CHST8: variants seen among roughly 807,000 people sequenced by gnomAD.
CHST8 encodes GALNAC-4-ST1.
CHST8 carries 10 observed loss-of-function variants against 15.0 expected under a neutral mutation model. That is an observed-to-expected ratio of 0.67 (90% CI 0.41 to 1.13). The LOEUF is 1.13. Among genes scored for constraint, CHST8 ranks in the 50% most tolerant of loss-of-function variants. The pLI is 0.00. For synonymous variants in CHST8, 259 were observed against 256.6 expected (o/e 1.01, Z -0.09); for missense variants, 634 against 608.2 (o/e 1.04, Z -0.45).
At chr19:33,688,952 G>A (rs1383598485) in intron 2 of CHST8, among the ~76,000 whole-genome samples, 1 of 152,156 alleles carries the variant, frequency 6.6e-6, no homozygotes, top group Non-Finnish European at 1.5e-5. Context: ...TTGTCCAGAG[G>A]TGCAGATACA....
intron 2 of CHST8, among the ~76,000 whole-genome samples, chr19:33,668,388 AT>A (rs1410391267): frequency 6.6e-6 from 1 of 152,134 alleles, no homozygotes. Context: ...AACCTCCACC[AT>A]ATTGGATGTT....
At chr19:33,771,491 C>G (rs1381404593) in intron 4 of CHST8, 41 bp downstream of exon 4, 1 of 1,602,102 alleles carries the variant, frequency 6.2e-7, no homozygotes, top group South Asian at 1.1e-5. Context: ...GCACACAGCC[C>G]TTGGGAAACT....
rs1169604290 is a variant in CHST8 at position 33,772,923 on chromosome 19, C to G, written c.1135C>G (p.Gln379Glu). 2 of 1,613,486 alleles carry G rather than the reference C, an allele frequency of 1.2e-6. No individual in the cohort carries two copies. Among genetic ancestry groups the G allele is most frequent in the Non-Finnish European group, 8.5e-7 (1 of 1,180,042 alleles). ...TFPRFKDRHS[Q>E]EARTTARIAH... ...CCCCCGGTTCAAGGACCGGCACTCG[C>G]AGGAGGCGCGGACCACAGCGAGGAT... Residue 379 changes from glutamine to glutamate, a missense_variant, in exon 5 of 5, where the codon CAG becomes GAG. Physicochemically the swap from Gln to Glu is conservative, Grantham distance 29 (BLOSUM62 2). Transcript: ENST00000650847.
At chr19:33,710,007 G>A (rs1244767543) in intron 3 of CHST8, among the ~76,000 whole-genome samples, 2 of 152,284 alleles carry the variant, frequency 1.3e-5, no homozygotes, top group African/African-American at 4.8e-5. Flanking sequence ...CTAGCTCAAT[G>A]TCTTCACCAT....
intron 3 of CHST8, among the ~76,000 whole-genome samples, chr19:33,699,196 G>A (rs867513893): frequency 2.0e-5 from 3 of 152,206 alleles, no homozygotes; most frequent in African/African-American, 7.2e-5. Context: ...GGCCCTGCAA[G>A]CCCAGCCGCT....
chr19:33,743,333 G>A (rs543264806), intron 3 of CHST8, among the ~76,000 whole-genome samples: 36 of 125,196 alleles, frequency 2.9e-4, no homozygotes, highest in Non-Finnish European at 4.9e-4. Flanking sequence ...ACGGAGTCTC[G>A]CTGTTACCCA....
chr19:33,687,832 G>A (rs915144060), intron 2 of CHST8, among the ~76,000 whole-genome samples: 3 of 152,242 alleles, frequency 2.0e-5, no homozygotes, highest in South Asian at 2.1e-4. Flanking sequence ...GCCTGGGTCC[G>A]TGTTGGGGAG....
chr19:33,654,944 G>C (rs536340943), intron 1 of CHST8, among the ~76,000 whole-genome samples: 3 of 152,276 alleles, frequency 2.0e-5, no homozygotes, highest in Non-Finnish European at 4.4e-5. Context: ...TTTCTTTCCT[G>C]AAGTTTAGCT....
chr19:33,739,267 C>T (rs933816451), intron 3 of CHST8, among the ~76,000 whole-genome samples: 2 of 152,168 alleles, frequency 1.3e-5, no homozygotes, highest in South Asian at 2.1e-4. Flanking sequence ...TCTCTCCCCC[C>T]TCCTCCACAA....
chr19:33,674,093 A>C (rs1490730687), intron 2 of CHST8, among the ~76,000 whole-genome samples: 1 of 152,124 alleles, frequency 6.6e-6, no homozygotes, highest in Non-Finnish European at 1.5e-5. Flanking sequence ...AGCTGTGCAC[A>C]AGTCAGGGCT....
At chr19:33,718,796 GC>G (rs1956141427) in intron 3 of CHST8, among the ~76,000 whole-genome samples, 1 of 152,242 alleles carries the variant, frequency 6.6e-6, no homozygotes, top group African/African-American at 2.4e-5. Context: ...AGCTCAGCCA[GC>G]ATGAGGCTGG....
Position 33,772,785 on chromosome 19 carries a change from C to T in CHST8, c.997C>T (p.Arg333Trp), listed in dbSNP as rs368093515. The change falls in exon 5 of 5, where the codon CGG becomes TGG. Residue 333 changes from arginine to tryptophan, a missense_variant. Coordinates refer to ENST00000650847, the MANE Select transcript of CHST8 (RefSeq NM_001127895.2). Reference sequence around the variant, plus strand: ...GGACATTCACTGGGACCATGTCAGCCGGCTCTGCAGCCCCTGCCTCATCGA... The same window carrying T: ...GGACATTCACTGGGACCATGTCAGCTGGCTCTGCAGCCCCTGCCTCATCGA... ...GMDIHWDHVS[R>W]LCSPCLIDYD... 1.2e-6 allele frequency: 2 copies of T among 1,613,478 alleles called. No homozygotes were observed. Among genetic ancestry groups the T allele is most frequent in the African/African-American group, 1.3e-5 (1 of 75,062 alleles).
intron 3 of CHST8, among the ~76,000 whole-genome samples, chr19:33,767,349 G>A (rs1974871613): frequency 6.6e-6 from 1 of 152,238 alleles, no homozygotes; most frequent in African/African-American, 2.4e-5. Context: ...AGAGGAGCGG[G>A]CAAGAGACCC....
chr19:33,758,717 C>A (rs889173232), intron 3 of CHST8, among the ~76,000 whole-genome samples: 1 of 152,220 alleles, frequency 6.6e-6, no homozygotes, highest in Admixed American at 6.5e-5. Flanking sequence ...ATGCTGCCCA[C>A]GTCTGCCCCT....
At chr19:33,734,025 C>T (rs933690172) in intron 3 of CHST8, among the ~76,000 whole-genome samples, 5 of 152,228 alleles carry the variant, frequency 3.3e-5, no homozygotes, top group Non-Finnish European at 5.9e-5. Context: ...AAAAAAGAGG[C>T]TGAGACCTAC....
At chr19:33,675,243 G>T (rs769547914) in intron 2 of CHST8, among the ~76,000 whole-genome samples, 1 of 152,182 alleles carries the variant, frequency 6.6e-6, no homozygotes, top group South Asian at 2.1e-4. Flanking sequence ...TCAGCCCCAG[G>T]CACACTAGGT....
intron 1 of CHST8, among the ~76,000 whole-genome samples, chr19:33,632,909 C>T (rs1275118684): frequency 2.6e-5 from 4 of 152,166 alleles, no homozygotes; most frequent in Non-Finnish European, 5.9e-5. Context: ...GCTGGGACTA[C>T]AGGTGCATGC....
At chr19:33,712,728 C>T (rs1308497014) in intron 3 of CHST8, among the ~76,000 whole-genome samples, 1 of 152,158 alleles carries the variant, frequency 6.6e-6, no homozygotes, top group Non-Finnish European at 1.5e-5. Context: ...GGAGCACTCC[C>T]TCTATCCTGA....
chr19:33,695,024 A>T (rs1183271729), intron 3 of CHST8, among the ~76,000 whole-genome samples: 4 of 151,378 alleles, frequency 2.6e-5, no homozygotes, highest in African/African-American at 7.3e-5. Context: ...CTTGCCATGA[A>T]AGCTCACTGC....
Sources: gnomAD v4.1 joint callset for allele counts (sites outside exome capture counted in the v4.1 genomes callset) on GRCh38, gnomAD v4.1.1 for gene constraint, MANE v1.5 for transcripts, NCBI Gene and HGNC (gene_info 2026-07-23, HGNC 2026-07-21) for gene names.